Variants in NR1H2 observed in about 807,000 individuals in gnomAD.
NR1H2 encodes oxysterols receptor LXR-beta.
In NR1H2, 33 loss-of-function variants were observed where a neutral mutation model predicts 51.2. That is an observed-to-expected ratio of 0.64 (90% CI 0.49 to 0.86). The LOEUF (loss-of-function observed/expected upper bound fraction) is 0.86. Ranked by LOEUF, NR1H2 falls within the 40% of genes least tolerant of loss-of-function variation. The pLI, the probability that NR1H2 is intolerant of heterozygous loss-of-function variation, is 0.00. For missense variants in NR1H2, 592 were observed against 639.9 expected (o/e 0.93, Z 0.81); for synonymous variants, 310 against 264.3 (o/e 1.17, Z -1.68).
rs375078500 is a variant in NR1H2, at chr19:50,377,623, G to A, written c.18G>A (p.Thr6=). 2.2e-4 allele frequency: 356 copies of A among 1,613,710 alleles called. No homozygotes were observed. The highest frequency in any genetic ancestry group is 2.9e-4 in the Non-Finnish European group (337 of 1,179,808). Residue 6 remains threonine, a synonymous_variant, in exon 3 of 10, where the codon ACG becomes ACA. Transcript: ENST00000253727. ...ACCCCACCATGTCCTCTCCTACCAC[G>A]AGTTCCCTGGATACCCCCCTGCCTG... The part of the protein sequence containing the change: MSSPT[T]SSLDTPLPGN...
intron 9 of NR1H2, 126 bp downstream of exon 9, chr19:50,382,300 G>T (rs1022062660): frequency 7.5e-7 from 1 of 1,339,238 alleles, no homozygotes; most frequent in Non-Finnish European, 1.0e-6. Flanking sequence ...GCCCCACCCT[G>T]CTCGACTGGG....
rs1402022037 is a variant in NR1H2 at position 50,379,945 on chromosome 19, T to C, written c.1027+66T>C. Reference sequence around the variant, plus strand: ...GCTGGCTGGAAGACCTGGGGCCAACTCATCCCTGTTGGAGTCTCTGTTTCT... The same window carrying C: ...GCTGGCTGGAAGACCTGGGGCCAACCCATCCCTGTTGGAGTCTCTGTTTCT... On this transcript the variant is annotated intron_variant, in intron 8 of 9. Transcript: ENST00000253727. 4 of 1,018,304 alleles carry C rather than the reference T, an allele frequency of 3.9e-6. No individual in the cohort carries two copies. In the African/African-American group the frequency reaches 6.3e-5, roughly 16 times the overall value. 63.1% of individuals were successfully genotyped at this position (1,018,304 alleles called of 1,614,324 possible). A position where few individuals can be genotyped will look rare whatever the true frequency, so the allele number is the denominator to read the frequency against.
In NR1H2 at chr19:50,377,740, C is replaced by T. The variant is rs1488603441; in HGVS notation, c.51C>T (p.Gly17=). The T allele has an allele frequency of 1.2e-5, 20 of 1,604,268 alleles. No homozygotes were observed. Among genetic ancestry groups the T allele is most frequent in the Non-Finnish European group, 1.7e-5 (20 of 1,175,108 alleles). Residue 17 remains glycine (G), a synonymous_variant, in exon 4 of 10, where the codon GGC becomes GGT. Transcript: ENST00000253727. ...GATTCCACCCTCTTCCAGGAAATGG[C>T]CCCCCTCAGCCTGGCGCCCCTTCTT... ...SSLDTPLPGN[G]PPQPGAPSSS...
At position 50,377,989 on chromosome 19, in the gene NR1H2, A is replaced by T. The variant is rs559989780; in HGVS notation, c.181+119A>T. ...GCTTTTTGTTCTTGCTTTCTCCTTA[A>T]CATATACATCTTTCTAAATTGCAAT... On this transcript the variant is annotated intron_variant, in intron 4 of 9. Transcript: ENST00000253727. 1.4e-5 allele frequency: 20 copies of T among 1,433,152 alleles called. No homozygotes were observed. The East Asian group carries it at 3.7e-4, about 26-fold the overall frequency. The allele number at this position is 1,433,152 out of a possible 1,614,324, so 88.8% of individuals were successfully genotyped here. A position where few individuals can be genotyped will look rare whatever the true frequency, so the allele number is the denominator to read the frequency against.
chr19:50,377,418 T>C (rs2123642670), intron 2 of NR1H2, 169 bp from the exon 3 acceptor site: 1 of 557,852 alleles, frequency 1.8e-6, no homozygotes, highest in Non-Finnish European at 3.1e-6. Context: ...GGGGCAGGTC[T>C]TGTTAGAAGG....
chr19:50,379,752 A>G (rs567015108), intron 7 of NR1H2, 28 bp from the exon 8 acceptor site: 1 of 1,488,508 alleles, frequency 6.7e-7, no homozygotes, highest in African/African-American at 1.4e-5. Flanking sequence ...CACAGGGCTC[A>G]AGCTCCCCCT....
At position 50,378,682 on chromosome 19, in the gene NR1H2, C is replaced by A; in HGVS notation, c.633C>A (p.Ser211=). The stretch of plus-strand genomic sequence containing the variant: ...GATCTGAGGCAGGCAGCCAGGGCTC[C>A]GGGGAAGGCGAGGGTGTCCAGCTAA... ...PGGSEAGSQG[S]GEGEGVQLTA... Residue 211 remains serine, a synonymous_variant, in exon 6 of 10, where the codon TCC becomes TCA. Transcript: ENST00000253727. The A allele has an allele frequency of 1.2e-6, 2 of 1,613,764 alleles. No individual in the cohort carries two copies. The highest frequency in any genetic ancestry group is 1.7e-6 in the Non-Finnish European group (2 of 1,180,024).
chr19:50,378,482 C>T (rs371711901), intron 5 of NR1H2, 40 bp from the exon 6 acceptor site: 1 of 1,581,446 alleles, frequency 6.3e-7, no homozygotes, highest in South Asian at 1.2e-5. Context: ...GGCCCCCCGC[C>T]TAGCCCTGGG....
intron 7 of NR1H2, 56 bp from the exon 8 acceptor site, chr19:50,379,724 G>A (rs2037734857): frequency 9.1e-6 from 10 of 1,095,444 alleles, no homozygotes; most frequent in Non-Finnish European, 1.4e-5. Flanking sequence ...GGAGGGGAGG[G>A]ACTAGCAGCT....
rs201306720 is a variant in NR1H2, at chr19:50,378,200, C to G, written c.233C>G (p.Ala78Gly). Residue 78 changes from alanine to glycine, a missense_variant, in exon 5 of 10, where the codon GCC (alanine) becomes GGC (glycine). Transcript: ENST00000253727. ...GAGCGCAAGCGAAAGAAGGGCCCAG[C>G]CCCGAAGATGCTGGGCCACGAGCTT... is the stretch of plus-strand genomic sequence containing the variant. ...EPERKRKKGP[A>G]PKMLGHELCR... is the part of the protein sequence containing the mutation. 1 of 1,613,466 alleles carries G rather than the reference C, an allele frequency of 6.2e-7. No individual in the cohort carries two copies. The highest frequency in any genetic ancestry group is 1.3e-5 in the African/African-American group (1 of 75,050).
At position 50,379,764 on chromosome 19, in the gene NR1H2, C is replaced by T. The variant is rs201755929; in HGVS notation, c.928-16C>T. ...GGTCACAGGGCTCAAGCTCCCCCTCCCGCTGCCGCCCTTAGATCATGCTGC... is the reference window on the plus strand; with the variant it reads ...GGTCACAGGGCTCAAGCTCCCCCTCTCGCTGCCGCCCTTAGATCATGCTGC... On this transcript the variant is annotated splice_polypyrimidine_tract_variant and intron_variant, in intron 7 of 9. Transcript: ENST00000253727. 3.1e-4 allele frequency: 489 copies of T among 1,580,288 alleles called. 1 individual carries two copies. In the African/African-American group the frequency reaches 5.9e-3, roughly 19 times the overall value.
chr19:50,382,890 G>C lies in NR1H2; in HGVS notation c.*288G>C, dbSNP rs569880583. ...CAGCACGCAGTGCACCTTGAACAGA[G>C]GGAGGGGAGGACCCATGGCTCTCCC... On this transcript the variant is annotated 3_prime_UTR_variant, in exon 10 of 10. Coordinates refer to ENST00000253727, the MANE Select transcript of NR1H2 (RefSeq NM_007121.7). 6.3e-6 allele frequency: 2 copies of C among 317,104 alleles called. No homozygotes were observed. Among genetic ancestry groups the C allele is most frequent in the Non-Finnish European group, 1.2e-5 (2 of 173,152 alleles). 19.6% of individuals were successfully genotyped at this position (317,104 alleles called of 1,614,324 possible). A position where few individuals can be genotyped will look rare whatever the true frequency, so the allele number is the denominator to read the frequency against.
chr19:50,379,263 T>A, intron 7 of NR1H2, 82 bp downstream of exon 7: 3 of 1,415,896 alleles, frequency 2.1e-6, no homozygotes, highest in Non-Finnish European at 2.9e-6. Context: ...AGACCAGTGC[T>A]TGCCGTTGTA....
chr19:50,378,506 C>T lies in NR1H2; in HGVS notation c.473-16C>T, dbSNP rs1347608056. ...CCTAGCCCTGGGGTTCTGCTGAGGC[C>T]TGCATCCCCCTACAGGCGTCCTTTC... On this transcript the variant is annotated splice_polypyrimidine_tract_variant and intron_variant, in intron 5 of 9. Coordinates refer to ENST00000253727, the MANE Select transcript of NR1H2 (RefSeq NM_007121.7). 2 of 1,595,638 alleles carry T rather than the reference C, an allele frequency of 1.3e-6. No homozygotes were observed. Among genetic ancestry groups the T allele is most frequent in the Middle Eastern group, 1.7e-4 (1 of 5,982 alleles).
Position 50,377,600 on chromosome 19 carries a change from C to A in NR1H2, c.-6C>A. ...TGTATTCTACAGGCTGCTCCGTGAC[C>A]CCACCATGTCCTCTCCTACCACGAG... On this transcript the variant is annotated 5_prime_UTR_variant, in exon 3 of 10. Transcript: ENST00000253727. 1 of 1,613,616 alleles carries A rather than the reference C, an allele frequency of 6.2e-7. No individual in the cohort carries two copies. The highest frequency in any genetic ancestry group is 8.5e-7 in the Non-Finnish European group (1 of 1,179,712).
intron 8 of NR1H2, among the ~76,000 whole-genome samples, chr19:50,380,409 G>T (rs899564202): frequency 9.2e-5 from 14 of 151,930 alleles, no homozygotes; most frequent in African/African-American, 3.4e-4. Context: ...AACCTGCGTG[G>T]GTGGGCTTCT....
rs750202587 is a variant in NR1H2 at position 50,379,788 on chromosome 19, G to C, written c.936G>C (p.Leu312=). Residue 312 remains leucine (L), a synonymous_variant, in exon 8 of 10, where the codon CTG becomes CTC. Transcript: ENST00000253727. ...CCCGCTGCCGCCCTTAGATCATGCT[G>C]CTAGAGACAGCCAGGCGCTACAACC... ...LLKASTIEIM[L]LETARRYNHE... is the part of the protein sequence containing the mutation. 1.2e-6 allele frequency: 2 copies of C among 1,613,042 alleles called. No homozygotes were observed. The highest frequency in any genetic ancestry group is 8.5e-7 in the Non-Finnish European group (1 of 1,178,998).
At chr19:50,378,054 C>G (rs948127181) in intron 4 of NR1H2, 95 bp from the exon 5 acceptor site, 4 of 1,449,714 alleles carry the variant, frequency 2.8e-6, no homozygotes, top group Non-Finnish European at 3.7e-6. Context: ...TCCCTCCATC[C>G]TCTGGCTCTT....
Position 50,382,073 on chromosome 19 carries a change from T to C in NR1H2, c.1135T>C (p.Ser379Pro), listed in dbSNP as rs2037777238. 6.4e-7 allele frequency: 1 copy of C among 1,553,170 alleles called. No individual in the cohort carries two copies. Among genetic ancestry groups the C allele is most frequent in the East Asian group, 2.4e-5 (1 of 41,260 alleles). ...CCTGCTCATCGCCATCAACATCTTC[T>C]CGGCCGACCGGCCCAACGTGCAGGA... ...YALLIAINIF[S>P]ADRPNVQEPG... Residue 379 changes from serine to proline, a missense_variant, in exon 9 of 10, where the codon TCG (serine) becomes CCG (proline). Ser to Pro is a moderately conservative substitution (Grantham distance 74, BLOSUM62 -1). Coordinates refer to ENST00000253727, the MANE Select transcript of NR1H2 (RefSeq NM_007121.7).
Sources: gnomAD v4.1 joint callset for allele counts (sites outside exome capture counted in the v4.1 genomes callset) on GRCh38, gnomAD v4.1.1 for gene constraint, MANE v1.5 for transcripts, NCBI Gene and HGNC (gene_info 2026-07-23, HGNC 2026-07-21) for gene names.